CD84: variants seen among roughly 807,000 people sequenced by gnomAD.
CD84 encodes SLAM family member 5.
Under a neutral mutation model 33.8 loss-of-function variants are expected in CD84, and 22 were observed. The ratio of observed to expected loss-of-function variants is 0.65; its 90% CI spans 0.46 to 0.93. The LOEUF (loss-of-function observed/expected upper bound fraction) is 0.93, where lower values mean the gene tolerates loss of function less well. Ranked by LOEUF, CD84 falls within the 40% of genes least tolerant of loss-of-function variation. The pLI, the probability that CD84 is intolerant of heterozygous loss-of-function variation, is 0.00. For missense variants in CD84, 400 were observed against 397.6 expected (o/e 1.01, Z -0.05); for synonymous variants, 154 against 145.2 (o/e 1.06, Z -0.44).
At chr1:160,562,794 A>T (rs1657071419) in intron 2 of CD84, among the ~76,000 whole-genome samples, 1 of 152,126 alleles carries the variant, frequency 6.6e-6, no homozygotes, top group South Asian at 2.1e-4. Context: ...AACCTACAGA[A>T]TGGGAGAAAA....
chr1:160,564,833 G>T (rs997123763), intron 2 of CD84, among the ~76,000 whole-genome samples: 1 of 152,080 alleles, frequency 6.6e-6, no homozygotes, highest in East Asian at 1.9e-4. Flanking sequence ...TATGGTAGTG[G>T]TTACACAAAA....
At chr1:160,566,776 C>T (rs183617484) in intron 1 of CD84, among the ~76,000 whole-genome samples, 83 of 152,288 alleles carry the variant, frequency 5.5e-4, no homozygotes, top group African/African-American at 1.8e-3. Context: ...ATCGAGGGAA[C>T]ATTTCCTAGT....
At chr1:160,561,426 T>C (rs935561635) in intron 2 of CD84, among the ~76,000 whole-genome samples, 1 of 152,100 alleles carries the variant, frequency 6.6e-6, no homozygotes, top group South Asian at 2.1e-4. Flanking sequence ...ACAGATCATC[T>C]CAACTGAGGC....
At chr1:160,562,816 T>C (rs1657072854) in intron 2 of CD84, among the ~76,000 whole-genome samples, 4 of 151,964 alleles carry the variant, frequency 2.6e-5, no homozygotes, top group Admixed American at 2.6e-4. Flanking sequence ...TTTTCCAGTC[T>C]ATCCATCTGA....
At chr1:160,565,335 G>C (rs957105765) in intron 2 of CD84, 69 bp downstream of exon 2, 10 of 1,145,654 alleles carry the variant, frequency 8.7e-6, no homozygotes, top group Non-Finnish European at 1.0e-5. Context: ...CAGAAATGTA[G>C]ATGTGTTTCA....
At chr1:160,550,901 G>C in intron 5 of CD84, 37 bp downstream of exon 5, 1 of 1,607,584 alleles carries the variant, frequency 6.2e-7, no homozygotes, top group Non-Finnish European at 8.5e-7. Flanking sequence ...TCATGGAGAT[G>C]GTGGCACAGG....
chr1:160,575,008 G>A (rs1657909717), intron 1 of CD84, among the ~76,000 whole-genome samples: 2 of 152,156 alleles, frequency 1.3e-5, no homozygotes, highest in Non-Finnish European at 2.9e-5. Context: ...GTTAAAGTCA[G>A]CAAGTAGCTA....
chr1:160,561,282 C>T (rs1466376757), intron 2 of CD84, among the ~76,000 whole-genome samples: 1 of 152,110 alleles, frequency 6.6e-6, no homozygotes, highest in African/African-American at 2.4e-5. Context: ...TGCTGGCAAA[C>T]CAAAACCAGC....
intron 1 of CD84, 90 bp from the exon 2 acceptor site, chr1:160,565,835 T>TCCAAG: frequency 1.8e-6 from 2 of 1,081,688 alleles, no homozygotes; most frequent in Non-Finnish European, 2.6e-6. Flanking sequence ...CCTGAGGAGC[T>TCCAAG]GCCACAAATG....
Position 160,565,477 on chromosome 1 carries a change from T to C in CD84, c.315A>G (p.Gly105=). 1.9e-6 allele frequency: 3 copies of C among 1,613,996 alleles called. No homozygotes were observed. The highest frequency in any genetic ancestry group is 2.5e-6 in the Non-Finnish European group (3 of 1,179,902). The stretch of plus-strand genomic sequence containing the variant: ...GTGTATTTATGTCTGCTTTGTAGTC[T>C]CCTGCGTCTTCCATCCTCAGATCGC... ...VISDLRMEDA[G]DYKADINTQA... The change falls in exon 2 of 7, where the codon GGA becomes GGG. Residue 105 remains glycine, a synonymous_variant. Transcript: ENST00000368054.
intron 2 of CD84, among the ~76,000 whole-genome samples, chr1:160,560,840 ACAAC>A (rs1364813213): frequency 6.6e-6 from 1 of 152,158 alleles, no homozygotes; most frequent in Non-Finnish European, 1.5e-5. Context: ...AGCAATACAA[ACAAC>A]CATCAGAGAA....
chr1:160,554,249 A>C, intron 2 of CD84, 103 bp from the exon 3 acceptor site: 1 of 1,170,874 alleles, frequency 8.5e-7, no homozygotes, highest in East Asian at 2.9e-5. Flanking sequence ...CCATCATTAA[A>C]AATTAAATTA....
intron 3 of CD84, 23 bp from the exon 4 acceptor site, chr1:160,553,520 G>T: frequency 6.2e-7 from 1 of 1,613,712 alleles, no homozygotes; most frequent in Non-Finnish European, 8.5e-7. Flanking sequence ...GATGCAGTGA[G>T]TCTTGATTCT....
chr1:160,574,424 T>C (rs552103985), intron 1 of CD84, among the ~76,000 whole-genome samples: 16 of 152,134 alleles, frequency 1.1e-4, no homozygotes, highest in Non-Finnish European at 1.8e-4. Flanking sequence ...CATGTTTGAG[T>C]CTAGGGTCTG....
chr1:160,555,284 C>T (rs981687634), intron 2 of CD84, among the ~76,000 whole-genome samples: 5 of 152,046 alleles, frequency 3.3e-5, no homozygotes, highest in South Asian at 2.1e-4. Context: ...GGAGTTTCAC[C>T]GTGTTAGCTA....
chr1:160,569,231 A>G (rs1657529480), intron 1 of CD84, among the ~76,000 whole-genome samples: 1 of 152,224 alleles, frequency 6.6e-6, no homozygotes, highest in Admixed American at 6.5e-5. Flanking sequence ...CTGGAGGGAC[A>G]GTTTCAGGTA....
At chr1:160,563,231 C>A (rs943984363) in intron 2 of CD84, among the ~76,000 whole-genome samples, 1 of 152,174 alleles carries the variant, frequency 6.6e-6, no homozygotes, top group Non-Finnish European at 1.5e-5. Context: ...TTTGTTCCAG[C>A]AAACCCATTA....
At position 160,579,440 on chromosome 1, in the gene CD84, C is replaced by G. The variant is rs1190262090; in HGVS notation, c.-3G>C. On this transcript the variant is annotated 5_prime_UTR_variant, in exon 1 of 7. Coordinates refer to ENST00000368054, the MANE Select transcript of CD84 (RefSeq NM_003874.4). ...ATCCATAGGTGGTGCTGAGCCATCT[C>G]TTTCAGGGTCTAACCTTCTGTGGAA... 1.9e-6 allele frequency: 3 copies of G among 1,612,992 alleles called. No individual in the cohort carries two copies. The highest frequency in any genetic ancestry group is 2.5e-6 in the Non-Finnish European group (3 of 1,179,374).
chr1:160,569,849 G>A (rs1022273110), intron 1 of CD84, among the ~76,000 whole-genome samples: 5 of 152,182 alleles, frequency 3.3e-5, no homozygotes, highest in Non-Finnish European at 7.3e-5. Flanking sequence ...ATATCAGAGT[G>A]GGGAGAGGTA....
Sources: gnomAD v4.1 joint callset for allele counts (sites outside exome capture counted in the v4.1 genomes callset) on GRCh38, gnomAD v4.1.1 for gene constraint, MANE v1.5 for transcripts, NCBI Gene and HGNC (gene_info 2026-07-23, HGNC 2026-07-21) for gene names.